The following HSPB8 variants were observed in gnomAD, a reference collection of about 807,000 sequenced individuals.
HSPB8 encodes the protein heat shock protein beta-8.
In HSPB8, 9 loss-of-function variants were observed where a neutral mutation model predicts 16.5. That is an observed-to-expected ratio of 0.55 (90% CI 0.33 to 0.95). HSPB8 has a LOEUF of 0.95. HSPB8 is among the 40% of genes least tolerant of loss of function. HSPB8 has a pLI of 0.03. For missense variants in HSPB8, 238 were observed against 251.2 expected (o/e 0.95, Z 0.35); for synonymous variants, 99 against 94.8 (o/e 1.04, Z -0.26).
intron 2 of HSPB8, among the ~76,000 whole-genome samples, chr12:119,190,716 G>A (rs978334332): frequency 6.6e-6 from 1 of 152,066 alleles, no homozygotes; most frequent in African/African-American, 2.4e-5. Context: ...GTTCACTGAG[G>A]AAAGCGATCA....
chr12:119,188,247 C>CT (rs757724355), intron 2 of HSPB8, among the ~76,000 whole-genome samples: 1,349 of 87,520 alleles, frequency 0.015, 10 homozygotes, highest in Non-Finnish European at 0.021. Context: ...CTCTCTCTCT[C>CT]TTTTTTTTTT....
chr12:119,185,942 C>T (rs191869849), intron 1 of HSPB8, among the ~76,000 whole-genome samples: 3 of 152,290 alleles, frequency 2.0e-5, no homozygotes, highest in African/African-American at 7.2e-5. Flanking sequence ...CCCTCAGAAG[C>T]ACCTCCCTGT....
rs200120006 is a variant in HSPB8 at position 119,179,361 on chromosome 12, C to T, written c.49C>T (p.Arg17Cys). The T allele has an allele frequency of 2.9e-5, 46 of 1,614,014 alleles. No individual in the cohort carries two copies. Among genetic ancestry groups the T allele is most frequent in the Non-Finnish European group, 3.6e-5 (43 of 1,180,030 alleles). Residue 17 changes from arginine to cysteine, a missense_variant, in exon 1 of 3, where the codon CGC (arginine) becomes TGC (cysteine). Transcript: ENST00000281938. ...PFSCHYPSRLRRDPFRDSPLS... is the reference protein window; with the variant it reads ...PFSCHYPSRLCRDPFRDSPLS... Reference sequence around the variant, plus strand: ...CTCCTGCCACTACCCAAGCCGCCTGCGCCGAGACCCCTTCCGGGACTCTCC... The same window carrying T: ...CTCCTGCCACTACCCAAGCCGCCTGTGCCGAGACCCCTTCCGGGACTCTCC...
chr12:119,186,127 T>C (rs909952615), intron 1 of HSPB8, among the ~76,000 whole-genome samples: 1 of 152,216 alleles, frequency 6.6e-6, no homozygotes, highest in Non-Finnish European at 1.5e-5. Flanking sequence ...ATGTGCTATA[T>C]ACATTACAAG....
chr12:119,187,136 G>A (rs2136083684), intron 2 of HSPB8, 48 bp downstream of exon 2: 4 of 1,455,100 alleles, frequency 2.7e-6, no homozygotes, highest in East Asian at 4.5e-5. Flanking sequence ...GGAGGAGGGG[G>A]CACACCTGGG....
chr12:119,179,743 T>C (rs1954625239), intron 1 of HSPB8, 64 bp downstream of exon 1: 2 of 1,518,150 alleles, frequency 1.3e-6, no homozygotes, highest in South Asian at 1.3e-5. Flanking sequence ...GCCCTGGGAA[T>C]AGCCAGAGAA....
Position 119,194,334 on chromosome 12 carries a change from C to A in HSPB8, c.*476C>A. ...CCCACTGTGCTTCCACATGCCTGGC[C>A]TAAAATGGGTGATATACAGGTCTTA... On this transcript the variant is annotated 3_prime_UTR_variant, in exon 3 of 3. Transcript: ENST00000281938. 1 of 254,068 alleles carries A rather than the reference C, an allele frequency of 3.9e-6. No individual in the cohort carries two copies. The highest frequency in any genetic ancestry group is 7.7e-6 in the Non-Finnish European group (1 of 130,398). The allele number at this position is 254,068 out of a possible 1,614,324, so 15.7% of individuals were successfully genotyped here. A position where few individuals can be genotyped will look rare whatever the true frequency, so the allele number is the denominator to read the frequency against.
rs1592927568 is a variant in HSPB8, at chr12:119,179,633, A to G, written c.321A>G (p.Pro107=). The G allele has an allele frequency of 1.9e-6, 3 of 1,595,810 alleles. No individual in the cohort carries two copies. Among genetic ancestry groups the G allele is most frequent in the Non-Finnish European group, 2.6e-6 (3 of 1,171,238 alleles). The stretch of plus-strand genomic sequence containing the variant: ...GTGTGAATGTGCACAGCTTCAAGCC[A>G]GAGGAGTTGATGGTGAAGACCAAAG... ...KVCVNVHSFK[P]EELMVKTKDG... Residue 107 remains proline, a synonymous_variant, in exon 1 of 3, where the codon CCA becomes CCG. Coordinates refer to ENST00000281938, the MANE Select transcript of HSPB8 (RefSeq NM_014365.3).
intron 2 of HSPB8, among the ~76,000 whole-genome samples, chr12:119,187,475 C>T (rs1258792876): frequency 4.6e-5 from 7 of 152,136 alleles, no homozygotes; most frequent in Admixed American, 4.6e-4. Flanking sequence ...GTGCCTCAGC[C>T]TCCTGAGTAG....
chr12:119,179,206 G>T lies in HSPB8; in HGVS notation c.-107G>T, dbSNP rs779704770. 2 of 1,195,714 alleles carry T rather than the reference G, an allele frequency of 1.7e-6. No individual in the cohort carries two copies. The highest frequency in any genetic ancestry group is 1.8e-5 in the Admixed American group (1 of 56,606). 74.1% of individuals were successfully genotyped at this position (1,195,714 alleles called of 1,614,324 possible). ...CTCCCTGCAGAAAAGCAGCATTTTC[G>T]GAAGCTGAAGAATAAGCTAGCCCAG... is the stretch of plus-strand genomic sequence containing the variant. On this transcript the variant is annotated 5_prime_UTR_variant, in exon 1 of 3. Transcript: ENST00000281938.
intron 2 of HSPB8, among the ~76,000 whole-genome samples, chr12:119,187,800 G>T (rs1954686236): frequency 6.6e-6 from 1 of 152,172 alleles, no homozygotes; most frequent in Non-Finnish European, 1.5e-5. Context: ...TTCCCCAAAT[G>T]CCCCAGCAGA....
rs749653259 is a variant in HSPB8 at position 119,193,807 on chromosome 12, C to G, written c.540C>G (p.Ser180Arg). ...QVPPYSTFGESSFNNELPQDS... is the reference protein window; with the variant it reads ...QVPPYSTFGERSFNNELPQDS... ...CTCCTTACTCAACATTTGGAGAGAGCAGTTTCAACAACGAGCTTCCCCAGG... is the reference window on the plus strand; with the variant it reads ...CTCCTTACTCAACATTTGGAGAGAGGAGTTTCAACAACGAGCTTCCCCAGG... Residue 180 changes from serine (S) to arginine (R), a missense_variant, in exon 3 of 3, where the codon AGC (serine) becomes AGG (arginine). Transcript: ENST00000281938. 4.3e-6 allele frequency: 7 copies of G among 1,614,048 alleles called. No homozygotes were observed. Among genetic ancestry groups the G allele is most frequent in the Non-Finnish European group, 5.9e-6 (7 of 1,180,032 alleles).
At position 119,194,611 on chromosome 12, in the gene HSPB8, CAGAT is replaced by C. The variant is rs1954733825; in HGVS notation, c.*756_*759del. 1.1e-5 allele frequency: 2 copies of C among 175,382 alleles called. No homozygotes were observed. The highest frequency in any genetic ancestry group is 2.4e-5 in the Non-Finnish European group (2 of 84,622). 10.9% of individuals were successfully genotyped at this position (175,382 alleles called of 1,614,324 possible). A position where few individuals can be genotyped will look rare whatever the true frequency, so the allele number is the denominator to read the frequency against. ...ACCAAGCAAAGGCCAGATAGCCTGA[CAGAT>C]AGGCTAGTGGTATTGTGTATATGGG... is the stretch of plus-strand genomic sequence containing the variant. On this transcript the variant is annotated 3_prime_UTR_variant, in exon 3 of 3. Coordinates refer to ENST00000281938, the MANE Select transcript of HSPB8 (RefSeq NM_014365.3).
chr12:119,192,592 C>T (rs1022879542), intron 2 of HSPB8, among the ~76,000 whole-genome samples: 2 of 151,980 alleles, frequency 1.3e-5, no homozygotes, highest in Non-Finnish European at 2.9e-5. Flanking sequence ...GGAGGCGGAA[C>T]TTGCAGTGAA....
Position 119,187,042 on chromosome 12 carries a change from C to T in HSPB8, c.385C>T (p.Gln129Ter). The change falls in exon 2 of 3, where the codon CAG becomes TAG. Residue 129 changes from glutamine (Q) to a stop codon, truncating the protein, a stop_gained. Transcript: ENST00000281938. LOFTEE classifies it high-confidence loss of function. ...VEVSGKHEEKQQEGGIVSKNF... is the reference protein window; with the variant it reads ...VEVSGKHEEK ...CCTTCCAGGCAAACATGAAGAGAAA[C>T]AGCAAGAAGGTGGCATTGTTTCTAA... The T allele has an allele frequency of 6.2e-7, 1 of 1,614,044 alleles. No homozygotes were observed. Among genetic ancestry groups the T allele is most frequent in the Non-Finnish European group, 8.5e-7 (1 of 1,179,966 alleles).
At chr12:119,193,209 G>A (rs992522661) in intron 2 of HSPB8, among the ~76,000 whole-genome samples, 1 of 152,144 alleles carries the variant, frequency 6.6e-6, no homozygotes, top group South Asian at 2.1e-4. Flanking sequence ...AATGCATTTT[G>A]TAGTGAAGCA....
chr12:119,182,108 T>C (rs979604898), intron 1 of HSPB8: 2 of 152,176 alleles, frequency 1.3e-5, no homozygotes, highest in African/African-American at 4.8e-5. Context: ...GGCAGCTCCA[T>C]GTTGAGATCT....
chr12:119,179,305 C>A lies in HSPB8; in HGVS notation c.-8C>A. The stretch of plus-strand genomic sequence containing the variant: ...AGCCTCTGTTTCTCTCTGAGCTGAG[C>A]AGCCACCATGGCTGACGGTCAGATG... On this transcript the variant is annotated 5_prime_UTR_variant, in exon 1 of 3. Coordinates refer to ENST00000281938, the MANE Select transcript of HSPB8 (RefSeq NM_014365.3). 6.2e-7 allele frequency: 1 copy of A among 1,613,266 alleles called. No individual in the cohort carries two copies. The highest frequency in any genetic ancestry group is 8.5e-7 in the Non-Finnish European group (1 of 1,179,916).
rs75829353 is a variant in HSPB8, at chr12:119,185,252, T to C, written c.368-1773T>C. On this transcript the variant is annotated intron_variant, in intron 1 of 2. Coordinates refer to ENST00000281938, the MANE Select transcript of HSPB8 (RefSeq NM_014365.3). ...TTACTGTAACCTCAAACTCCTGGGC[T>C]CAAGCAATCTTCCCACCTCAGCCTC... Among the ~76,000 whole-genome samples, 1,516 of 152,014 alleles carry C rather than the reference T, an allele frequency of 1.0e-2. 21 individuals carry two copies. Among genetic ancestry groups the C allele is most frequent in the East Asian group, 0.05 (258 of 5,160 alleles).
Sources: gnomAD v4.1 joint callset for allele counts (sites outside exome capture counted in the v4.1 genomes callset) on GRCh38, gnomAD v4.1.1 for gene constraint, MANE v1.5 for transcripts, NCBI Gene and HGNC (gene_info 2026-07-23, HGNC 2026-07-21) for gene names.